RETREG3: variants seen among roughly 807,000 people sequenced by gnomAD.
RETREG3 encodes reticulophagy regulator 3.
In RETREG3, 23 loss-of-function variants were observed where a neutral mutation model predicts 50.2. The observed-to-expected ratio is 0.46, with a 90% confidence interval of 0.33 to 0.65. RETREG3 has a LOEUF of 0.65. Ranked by LOEUF, RETREG3 falls within the 30% of genes least tolerant of loss-of-function variation. RETREG3 has a pLI of 0.02. For missense variants in RETREG3, 546 were observed against 598.0 expected (o/e 0.91, Z 0.91); for synonymous variants, 240 against 234.4 (o/e 1.02, Z -0.22).
At chr17:42,596,359 C>CAAAAAAAAAAAAAAAA (rs60457978) in intron 1 of RETREG3, among the ~76,000 whole-genome samples, 4 of 64,712 alleles carry the variant, frequency 6.2e-5, no homozygotes, top group African/African-American at 2.0e-4. Context: ...GACCCTTTCT[C>CAAAAAAAAAAAAAAAA]AAAAAAAAAA....
rs759256920 is a variant in RETREG3, at chr17:42,586,081, G to T, written c.561C>A (p.Val187=). 1 of 1,614,106 alleles carries T rather than the reference G, an allele frequency of 6.2e-7. No individual in the cohort carries two copies. The highest frequency in any genetic ancestry group is 8.5e-7 in the Non-Finnish European group (1 of 1,180,002). The change falls in exon 5 of 9, where the codon GTC becomes GTA. Residue 187 remains valine, a synonymous_variant. Coordinates refer to ENST00000309428, the MANE Select transcript of RETREG3 (RefSeq NM_178126.4). ...TCAAGTAGGACAGCAGAAGCCCAGG[G>T]ACGTAGCGGCCCAAGACAGCCAAAA... is the stretch of plus-strand genomic sequence containing the variant. ...LTFLAVLGRY[V]PGLLLSYLML... is the part of the protein sequence containing the mutation.
At chr17:42,607,215 T>C (rs931300816) in intron 1 of RETREG3, among the ~76,000 whole-genome samples, 2 of 151,980 alleles carry the variant, frequency 1.3e-5, no homozygotes, top group African/African-American at 4.8e-5. Context: ...GAAGAAGCAC[T>C]TGGCTGGGCA....
intron 2 of RETREG3, among the ~76,000 whole-genome samples, chr17:42,588,163 C>T (rs2093124876): frequency 6.6e-6 from 1 of 152,194 alleles, no homozygotes; most frequent in Non-Finnish European, 1.5e-5. Flanking sequence ...TCCATCTCAC[C>T]CCTTGAGTGT....
intron 2 of RETREG3, among the ~76,000 whole-genome samples, chr17:42,589,326 C>A (rs1391732012): frequency 1.3e-5 from 2 of 152,208 alleles, no homozygotes; most frequent in Non-Finnish European, 2.9e-5. Flanking sequence ...TCCTCTCTCA[C>A]CCCTTCAAAC....
chr17:42,603,963 C>T (rs1338871317), intron 1 of RETREG3, among the ~76,000 whole-genome samples: 4 of 149,080 alleles, frequency 2.7e-5, no homozygotes, highest in African/African-American at 9.9e-5. Context: ...GGCGACAGAG[C>T]GAGACTCCGT....
intron 1 of RETREG3, chr17:42,605,138 A>C (rs1375793942): frequency 1.3e-5 from 2 of 151,564 alleles, no homozygotes; most frequent in Non-Finnish European, 2.9e-5. Context: ...CAAGGTATCT[A>C]CATCTATCTC....
At chr17:42,597,499 G>T (rs199680179) in intron 1 of RETREG3, among the ~76,000 whole-genome samples, 9 of 7,848 alleles carry the variant, frequency 1.1e-3, no homozygotes, top group African/African-American at 5.8e-3. Flanking sequence ...AATCTATTTT[G>T]TGTGTGTGTG....
At chr17:42,596,359 CAAAAAAAAAAA>C (rs60457978) in intron 1 of RETREG3, among the ~76,000 whole-genome samples, 11 of 64,726 alleles carry the variant, frequency 1.7e-4, no homozygotes, top group Non-Finnish European at 2.6e-4. Flanking sequence ...GACCCTTTCT[CAAAAAAAAAAA>C]AAAAAAAAAA....
intron 1 of RETREG3, among the ~76,000 whole-genome samples, chr17:42,597,819 G>A (rs572304344): frequency 2.5e-4 from 37 of 149,804 alleles, no homozygotes; most frequent in African/African-American, 7.8e-4. Flanking sequence ...TAGTAGAGAC[G>A]GAGTTTCGTC....
intron 2 of RETREG3, 59 bp downstream of exon 2, chr17:42,591,997 T>A: frequency 7.0e-7 from 1 of 1,424,346 alleles, no homozygotes; most frequent in South Asian, 1.2e-5. Context: ...ATACTAAAGG[T>A]ACAAATTATA....
At chr17:42,600,884 G>A (rs1468411161) in intron 1 of RETREG3, among the ~76,000 whole-genome samples, 4 of 152,164 alleles carry the variant, frequency 2.6e-5, no homozygotes, top group Admixed American at 1.3e-4. Flanking sequence ...CCATGAGGTG[G>A]AATGATCACT....
chr17:42,598,133 C>A (rs533792887), intron 1 of RETREG3, among the ~76,000 whole-genome samples: 1 of 151,776 alleles, frequency 6.6e-6, no homozygotes, highest in Non-Finnish European at 1.5e-5. Context: ...AGGCGCCCGC[C>A]ACCACGCCCG....
intron 4 of RETREG3, 186 bp downstream of exon 4, chr17:42,586,579 G>A (rs893680883): frequency 7.0e-6 from 5 of 711,014 alleles, no homozygotes; most frequent in Non-Finnish European, 1.1e-5. Context: ...CAAATGAGCA[G>A]TCACCAAGCT....
At chr17:42,589,121 A>G (rs922050313) in intron 2 of RETREG3, among the ~76,000 whole-genome samples, 2 of 151,718 alleles carry the variant, frequency 1.3e-5, no homozygotes, top group African/African-American at 4.8e-5. Context: ...AAAAAAAAAA[A>G]TGGGGAGACC....
chr17:42,606,578 G>A (rs1195835458), intron 1 of RETREG3, among the ~76,000 whole-genome samples: 1 of 150,792 alleles, frequency 6.6e-6, no homozygotes, highest in Non-Finnish European at 1.5e-5. Flanking sequence ...TCCAGCCTGG[G>A]CGACAGAGCG....
At position 42,609,344 on chromosome 17, in the gene RETREG3, C is replaced by T; in HGVS notation, c.-20G>A. On this transcript the variant is annotated 5_prime_UTR_variant, in exon 1 of 9. It removes an upstream start codon present in the reference 5' UTR. Transcript: ENST00000309428. The stretch of plus-strand genomic sequence containing the variant: ...AGCCATCTCCCCGCGGCAGCCACAA[C>T]ATCCGGGGCCGTGGCCCGACAAGTC... 6.3e-7 allele frequency: 1 copy of T among 1,586,348 alleles called. No homozygotes were observed. Among genetic ancestry groups the T allele is most frequent in the Non-Finnish European group, 8.5e-7 (1 of 1,172,034 alleles).
At chr17:42,583,868 C>T (rs1330119608) in intron 6 of RETREG3, among the ~76,000 whole-genome samples, 3 of 152,172 alleles carry the variant, frequency 2.0e-5, no homozygotes, top group Admixed American at 6.5e-5. Context: ...AGTGCAATGG[C>T]GCGATCTCGG....
At chr17:42,587,709 T>C in intron 3 of RETREG3, 125 bp downstream of exon 3, 3 of 1,167,146 alleles carry the variant, frequency 2.6e-6, no homozygotes, top group African/African-American at 1.5e-5. Context: ...AAAATGATCA[T>C]TTGGAACAGC....
chr17:42,582,692 G>T lies in RETREG3; in HGVS notation c.925C>A (p.Leu309Ile). 1 of 1,614,244 alleles carries T rather than the reference G, an allele frequency of 6.2e-7. No homozygotes were observed. The highest frequency in any genetic ancestry group is 8.5e-7 in the Non-Finnish European group (1 of 1,180,036). The change falls in exon 8 of 9, where the codon CTA becomes ATA. Residue 309 changes from leucine (L) to isoleucine (I), a missense_variant. Physicochemically the swap from Leu to Ile is conservative, Grantham distance 5. Coordinates refer to ENST00000309428, the MANE Select transcript of RETREG3 (RefSeq NM_178126.4). ...CCCTCACCTTCAGAGCCTTCCGTTA[G>T]AGGTGTTTGGCCCCTTGAAAGATTG... is the stretch of plus-strand genomic sequence containing the variant. The part of the protein sequence containing the change: ...TFNLSRGQTP[L>I]TEGSEDLDGH...
Sources: gnomAD v4.1 joint callset for allele counts (sites outside exome capture counted in the v4.1 genomes callset) on GRCh38, gnomAD v4.1.1 for gene constraint, MANE v1.5 for transcripts, NCBI Gene and HGNC (gene_info 2026-07-23, HGNC 2026-07-21) for gene names.